The following HOOK1 variants were observed in gnomAD, a reference collection of about 807,000 sequenced individuals.
HOOK1 encodes the protein protein Hook homolog 1.
A neutral mutation model predicts 112.8 loss-of-function variants in HOOK1; 60 were observed. The observed-to-expected ratio is 0.53, with a 90% CI of 0.43 to 0.66. The LOEUF (loss-of-function observed/expected upper bound fraction) is 0.66. HOOK1 is among the 30% of genes least tolerant of loss of function. The pLI, the probability that HOOK1 is intolerant of heterozygous loss-of-function variation, is 0.00. For missense variants in HOOK1, 770 were observed against 856.0 expected (o/e 0.90, Z 1.25); for synonymous variants, 294 against 283.8 (o/e 1.04, Z -0.36).
chr1:59,846,558 CCTT>C (rs2098403952), intron 9 of HOOK1, among the ~76,000 whole-genome samples: 1 of 59,834 alleles, frequency 1.7e-5, no homozygotes, highest in Non-Finnish European at 3.4e-5. Context: ...TTCCTTCCTT[CCTT>C]CCTTCCTTCC....
At chr1:59,833,289 G>C in intron 4 of HOOK1, 116 bp from the exon 5 acceptor site, 1 of 801,566 alleles carries the variant, frequency 1.2e-6, no homozygotes, top group East Asian at 3.1e-5. Context: ...TTTGTCATTT[G>C]TTATTTTATC....
At chr1:59,838,527 C>G (rs2098399247) in intron 7 of HOOK1, among the ~76,000 whole-genome samples, 1 of 152,034 alleles carries the variant, frequency 6.6e-6, no homozygotes, top group South Asian at 2.1e-4. Flanking sequence ...GACACTTTGC[C>G]CATTTTTTGA....
chr1:59,861,844 C>T (rs370046731), intron 15 of HOOK1, among the ~76,000 whole-genome samples: 1 of 152,122 alleles, frequency 6.6e-6, no homozygotes, highest in East Asian at 1.9e-4. Context: ...TGAATCTTAC[C>T]TTTCTCAAAC....
chr1:59,861,187 C>T (rs541392499), intron 15 of HOOK1, among the ~76,000 whole-genome samples: 2 of 152,220 alleles, frequency 1.3e-5, no homozygotes, highest in Middle Eastern at 6.8e-3. Context: ...GCTGGGATTA[C>T]AAACATGAGC....
chr1:59,855,834 G>A (rs570182147), intron 12 of HOOK1, among the ~76,000 whole-genome samples: 156 of 148,882 alleles, frequency 1.0e-3, no homozygotes, highest in South Asian at 3.2e-3. Flanking sequence ...GTGCAGTGGC[G>A]CAGTCATGGC....
rs1184755147 is a variant in HOOK1 at position 59,843,431 on chromosome 1, GGT to G, written c.623_624del (p.Val208AspfsTer6). On this transcript the variant is annotated frameshift_variant and splice_region_variant, in exon 9 of 22. Transcript: ENST00000371208. LOFTEE classifies it high-confidence loss of function. ...RQRCEELDMQ[V>X]TTLQDEKNSL... ...CTTATGTATGTGTATTTGTTTCTTAGGTGACTACACTTCAAGATGAAAAGAAT... is the reference window on the plus strand; with the variant it reads ...CTTATGTATGTGTATTTGTTTCTTAGGACTACACTTCAAGATGAAAAGAAT... The G allele has an allele frequency of 6.3e-7, 1 of 1,599,960 alleles. No homozygotes were observed. The highest frequency in any genetic ancestry group is 8.5e-7 in the Non-Finnish European group (1 of 1,173,768).
At position 59,833,479 on chromosome 1, in the gene HOOK1, G is replaced by A. The variant is rs907227675; in HGVS notation, c.348G>A (p.Glu116=). ...TAACCGAATGTTCAGATCCAGTGGA[G>A]CTTGGGAGGTTGCTCCAGCTTATTT... ...NQITECSDPV[E]LGRLLQLILG... is the part of the protein sequence containing the mutation. The change falls in exon 5 of 22, where the codon GAG becomes GAA. Residue 116 remains glutamate (E), a synonymous_variant. Coordinates refer to ENST00000371208, the MANE Select transcript of HOOK1 (RefSeq NM_015888.6). 2.5e-6 allele frequency: 4 copies of A among 1,595,058 alleles called. No homozygotes were observed. The highest frequency in any genetic ancestry group is 1.7e-5 in the Admixed American group (1 of 59,156).
In HOOK1 at chr1:59,863,650, T is replaced by C. The variant is rs116185371; in HGVS notation, c.1626+773T>C. ...AAGGACTAGATATGTGTTAGGGATA[T>C]CTTGATTGATTGAGATTAGATAAAA... On this transcript the variant is annotated intron_variant, in intron 16 of 21. Coordinates refer to ENST00000371208, the MANE Select transcript of HOOK1 (RefSeq NM_015888.6). Among the ~76,000 whole-genome samples, 816 of 152,268 alleles carry C rather than the reference T, an allele frequency of 5.4e-3. 11 individuals are homozygous for C. Among genetic ancestry groups the C allele is most frequent in the African/African-American group, 0.016 (682 of 41,558 alleles).
intron 8 of HOOK1, among the ~76,000 whole-genome samples, chr1:59,841,964 G>A (rs1463926055): frequency 6.6e-6 from 1 of 152,108 alleles, no homozygotes; most frequent in Non-Finnish European, 1.5e-5. Flanking sequence ...CGGTTCTGGG[G>A]TGGGAACAAG....
At chr1:59,822,309 C>T (rs940036243) in intron 2 of HOOK1, among the ~76,000 whole-genome samples, 7 of 151,870 alleles carry the variant, frequency 4.6e-5, no homozygotes, top group East Asian at 1.9e-4. Flanking sequence ...TTAAGGTATC[C>T]GTGCATGGAG....
At chr1:59,836,057 C>CA (rs1383841900) in intron 6 of HOOK1, among the ~76,000 whole-genome samples, 6 of 151,694 alleles carry the variant, frequency 4.0e-5, no homozygotes, top group Admixed American at 1.3e-4. Flanking sequence ...TTTCTTTTTT[C>CA]TTTTTTTTCT....
chr1:59,818,605 T>C (rs140486608), intron 1 of HOOK1, among the ~76,000 whole-genome samples: 30 of 152,354 alleles, frequency 2.0e-4, no homozygotes, highest in Admixed American at 1.8e-3. Flanking sequence ...TGGAAATTTG[T>C]TTAATATCTT....
chr1:59,847,118 A>C lies in HOOK1; in HGVS notation c.862A>C (p.Arg288=), dbSNP rs1239700263. The stretch of plus-strand genomic sequence containing the variant: ...AAAGCAGCTAATCGAATTCCAGCAT[A>C]GGAATGATGAATTGACTAGTCTTGC... ...LEKQLIEFQH[R]NDELTSLAEE... is the part of the protein sequence containing the mutation. Residue 288 remains arginine, a synonymous_variant, in exon 10 of 22, where the codon AGG becomes CGG. Coordinates refer to ENST00000371208, the MANE Select transcript of HOOK1 (RefSeq NM_015888.6). 9 of 1,608,042 alleles carry C rather than the reference A, an allele frequency of 5.6e-6. No homozygotes were observed. The South Asian group carries it at 6.7e-5, about 12-fold the overall frequency.
chr1:59,862,760 T>G (rs946109063), intron 15 of HOOK1, 24 bp from the exon 16 acceptor site: 1 of 1,435,294 alleles, frequency 7.0e-7, no homozygotes, highest in Non-Finnish European at 9.8e-7. Context: ...TACAAGTAAA[T>G]GCTTATGACC....
chr1:59,854,825 T>C (rs983147911), intron 12 of HOOK1, among the ~76,000 whole-genome samples: 1 of 152,192 alleles, frequency 6.6e-6, no homozygotes, highest in South Asian at 2.1e-4. Flanking sequence ...AACTGTAGAT[T>C]GATGATCCAA....
At chr1:59,824,697 G>A (rs2098388550) in intron 2 of HOOK1, among the ~76,000 whole-genome samples, 1 of 152,176 alleles carries the variant, frequency 6.6e-6, no homozygotes, top group Admixed American at 6.5e-5. Flanking sequence ...ATAAAGTGGT[G>A]TCTAAACTGT....
chr1:59,841,887 T>C (rs565499600), intron 8 of HOOK1, among the ~76,000 whole-genome samples: 1 of 152,200 alleles, frequency 6.6e-6, no homozygotes, highest in African/African-American at 2.4e-5. Context: ...CAGGTGCAGA[T>C]TGAACTTATC....
At chr1:59,839,051 G>T (rs948678823) in intron 7 of HOOK1, among the ~76,000 whole-genome samples, 1 of 152,088 alleles carries the variant, frequency 6.6e-6, no homozygotes, top group African/African-American at 2.4e-5. Context: ...TGTTCCATTG[G>T]TCTATATATC....
intron 17 of HOOK1, chr1:59,864,955 T>C (rs183866694): frequency 6.5e-4 from 367 of 568,840 alleles, no homozygotes; most frequent in Non-Finnish European, 1.0e-3. Flanking sequence ...TTTACTTTCT[T>C]AGGAAGCAAG....
Sources: gnomAD v4.1 joint callset for allele counts (sites outside exome capture counted in the v4.1 genomes callset) on GRCh38, gnomAD v4.1.1 for gene constraint, MANE v1.5 for transcripts, NCBI Gene and HGNC (gene_info 2026-07-23, HGNC 2026-07-21) for gene names.